The following MSRA variants were observed in gnomAD, a reference collection of about 807,000 sequenced individuals.
MSRA encodes the protein mitochondrial peptide methionine sulfoxide reductase.
Under a neutral mutation model 31.3 loss-of-function variants are expected in MSRA, and 54 were observed. The ratio of observed to expected loss-of-function variants is 1.73; its 90% CI spans 1.39 to 2.17. MSRA has a LOEUF of 2.17. Ranked by LOEUF, MSRA falls within the 30% of genes most tolerant of loss-of-function variation. The pLI, the probability that MSRA is intolerant of heterozygous loss-of-function variation, is 0.00. For synonymous variants in MSRA, 169 were observed against 116.5 expected (o/e 1.45, Z -2.90); for missense variants, 507 against 300.9 (o/e 1.69, Z -5.07).
chr8:10,352,980 T>C (rs1191775731), intron 5 of MSRA, among the ~76,000 whole-genome samples: 1 of 152,144 alleles, frequency 6.6e-6, no homozygotes, highest in Non-Finnish European at 1.5e-5. Context: ...TGCGGTGTGC[T>C]CTGAACTGTT....
intron 1 of MSRA, among the ~76,000 whole-genome samples, chr8:10,128,307 A>G (rs949924036): frequency 2.0e-5 from 3 of 151,878 alleles, no homozygotes; most frequent in East Asian, 3.9e-4. Flanking sequence ...TGAACCTGGG[A>G]GGCGGAGGTT....
At chr8:10,081,365 A>G (rs1798284726) in intron 1 of MSRA, among the ~76,000 whole-genome samples, 1 of 152,138 alleles carries the variant, frequency 6.6e-6, no homozygotes, top group African/African-American at 2.4e-5. Context: ...ACGTGAAGCT[A>G]TCCTTAATAT....
At chr8:10,244,554 G>A (rs1023720682) in intron 2 of MSRA, among the ~76,000 whole-genome samples, 1 of 151,950 alleles carries the variant, frequency 6.6e-6, no homozygotes, top group Non-Finnish European at 1.5e-5. Flanking sequence ...TTTACTTTTG[G>A]GTAAGCAGTG....
intron 1 of MSRA, among the ~76,000 whole-genome samples, chr8:10,154,287 G>A (rs1803961121): frequency 7.6e-6 from 1 of 131,984 alleles, no homozygotes; most frequent in Non-Finnish European, 1.6e-5. Flanking sequence ...GCAGGGCAGG[G>A]GTGCTACCCA....
intron 3 of MSRA, among the ~76,000 whole-genome samples, chr8:10,279,724 C>G (rs541533892): frequency 5.3e-5 from 8 of 152,318 alleles, no homozygotes; most frequent in Non-Finnish European, 1.0e-4. Flanking sequence ...TATTGAGCAA[C>G]GTCTGACACC....
chr8:10,262,235 A>C (rs1798521863), intron 3 of MSRA, among the ~76,000 whole-genome samples: 1 of 152,238 alleles, frequency 6.6e-6, no homozygotes, highest in South Asian at 2.1e-4. Context: ...TCATTTGGAC[A>C]AATATTTAAG....
chr8:10,308,843 T>C (rs1801281278), intron 4 of MSRA, among the ~76,000 whole-genome samples: 1 of 152,236 alleles, frequency 6.6e-6, no homozygotes, highest in African/African-American at 2.4e-5. Context: ...TGGAACCTCA[T>C]TGCTTCTCTT....
At position 10,080,313 on chromosome 8, in the gene MSRA, A is replaced by T. The variant is rs1030443290; in HGVS notation, c.142+25655A>T. On this transcript the variant is annotated intron_variant, in intron 1 of 5. Coordinates refer to ENST00000317173, the MANE Select transcript of MSRA (RefSeq NM_012331.5). ...GGATGGCTTCTTGCAGATTTTTTTT[A>T]AATCTTTTTTTTTTTTTTCCTGAAA... 3.3e-5 allele frequency among the ~76,000 whole-genome samples: 5 copies of T among 151,850 alleles called. No homozygotes were observed. The South Asian group carries it at 1.0e-3, about 32-fold the overall frequency.
chr8:10,285,040 G>A (rs1179768406), intron 3 of MSRA, among the ~76,000 whole-genome samples: 3 of 132,354 alleles, frequency 2.3e-5, no homozygotes, highest in East Asian at 4.5e-4. Flanking sequence ...AAAAAAAAAA[G>A]CTGGAAAAAT....
At chr8:10,320,337 C>G (rs1801979182) in intron 5 of MSRA, 1 of 160,758 alleles carries the variant, frequency 6.2e-6, no homozygotes, top group Non-Finnish European at 1.4e-5. Flanking sequence ...GCATGGTGGC[C>G]TGCACCTACA....
intron 3 of MSRA, among the ~76,000 whole-genome samples, chr8:10,290,044 A>T (rs938689557): frequency 3.3e-5 from 5 of 152,260 alleles, no homozygotes; most frequent in African/African-American, 1.2e-4. Context: ...CCCATTTTAT[A>T]GATGAGCAGC....
At chr8:10,294,025 G>A (rs574856457) in intron 3 of MSRA, among the ~76,000 whole-genome samples, 13 of 152,116 alleles carry the variant, frequency 8.5e-5, no homozygotes, top group Admixed American at 2.6e-4. Context: ...CCAACATGGC[G>A]AAACCCCATC....
chr8:10,089,101 A>C (rs1229399591), intron 1 of MSRA, among the ~76,000 whole-genome samples: 2 of 151,236 alleles, frequency 1.3e-5, no homozygotes. Flanking sequence ...TGTATTAGGG[A>C]TTTTTGTTAA....
At chr8:10,389,738 TG>T (rs2129178717) in intron 5 of MSRA, among the ~76,000 whole-genome samples, 1 of 139,912 alleles carries the variant, frequency 7.1e-6, no homozygotes, top group South Asian at 2.3e-4. Context: ...TTCAGAAGCT[TG>T]CTTTTTTTTT....
intron 1 of MSRA, among the ~76,000 whole-genome samples, chr8:10,120,790 C>G (rs1801053079): frequency 6.6e-6 from 1 of 152,184 alleles, no homozygotes; most frequent in African/African-American, 2.4e-5. Context: ...GTTCTCTCTC[C>G]AAACGCTGTG....
chr8:10,369,318 T>C (rs1472966423), intron 5 of MSRA, among the ~76,000 whole-genome samples: 4 of 151,862 alleles, frequency 2.6e-5, no homozygotes, highest in African/African-American at 7.3e-5. Flanking sequence ...TCATCCATTC[T>C]AGACAGCTTA....
At chr8:10,363,531 T>A (rs192204965) in intron 5 of MSRA, among the ~76,000 whole-genome samples, 1 of 152,160 alleles carries the variant, frequency 6.6e-6, no homozygotes, top group African/African-American at 2.4e-5. Context: ...AGCATGACGA[T>A]GTATATTCTC....
chr8:10,426,438 G>T (rs1204781831), intron 5 of MSRA, among the ~76,000 whole-genome samples: 2 of 152,238 alleles, frequency 1.3e-5, no homozygotes, highest in Non-Finnish European at 2.9e-5. Context: ...GCATTCCACG[G>T]ACTCTCTGGA....
At chr8:10,079,938 C>CT (rs1404730434) in intron 1 of MSRA, among the ~76,000 whole-genome samples, 2 of 152,186 alleles carry the variant, frequency 1.3e-5, no homozygotes, top group African/African-American at 2.4e-5. Flanking sequence ...CCTAGAGGCT[C>CT]TTTTTTCCTC....
Sources: allele counts gnomAD v4.1 joint callset (sites outside exome capture counted in the v4.1 genomes callset), GRCh38; gene constraint gnomAD v4.1.1; transcripts MANE v1.5; gene names NCBI Gene and HGNC (gene_info 2026-07-23, HGNC 2026-07-21).